The following INPP4B variants were observed in gnomAD, a reference collection of about 807,000 sequenced individuals.
The protein encoded by INPP4B is inositol polyphosphate 4-phosphatase type II.
In INPP4B, 55 loss-of-function variants were observed where a neutral mutation model predicts 122.5. The ratio of observed to expected loss-of-function variants is 0.45; its 90% CI spans 0.36 to 0.56. The LOEUF (loss-of-function observed/expected upper bound fraction) is 0.56. Among genes scored for constraint, INPP4B ranks in the 20% least tolerant of loss-of-function variants. The pLI is 0.00. For missense variants in INPP4B, 1,000 were observed against 1,097.7 expected, an observed-to-expected ratio of 0.91 and a Z score of 1.26; for synonymous variants, 403 against 388.7, an observed-to-expected ratio of 1.04 and a Z score of -0.43.
At chr4:142,492,914 A>G (rs527839608) in intron 2 of INPP4B, among the ~76,000 whole-genome samples, 1 of 152,320 alleles carries the variant, frequency 6.6e-6, no homozygotes, top group African/African-American at 2.4e-5. Flanking sequence ...AGCCTGTCCC[A>G]TCACAGCCCT....
At chr4:142,116,231 C>T (rs997654040) in intron 21 of INPP4B, among the ~76,000 whole-genome samples, 2 of 152,114 alleles carry the variant, frequency 1.3e-5, no homozygotes. Flanking sequence ...TAACACCTCA[C>T]TCTCAACGTT....
At chr4:142,218,796 C>T (rs1848307693) in intron 12 of INPP4B, among the ~76,000 whole-genome samples, 2 of 152,076 alleles carry the variant, frequency 1.3e-5, no homozygotes, top group African/African-American at 4.8e-5. Context: ...TTAAATCAAA[C>T]TTAAAAGAAG....
chr4:142,642,231 A>C, intron 2 of INPP4B, among the ~76,000 whole-genome samples: 1 of 151,982 alleles, frequency 6.6e-6, no homozygotes, highest in Non-Finnish European at 1.5e-5. Context: ...TGTTCACTCT[A>C]ATGGTAGTTT....
chr4:142,419,434 C>T (rs185987037), intron 5 of INPP4B, among the ~76,000 whole-genome samples: 1 of 152,186 alleles, frequency 6.6e-6, no homozygotes, highest in Admixed American at 6.5e-5. Context: ...TACCCGTATG[C>T]TCAAACGGAC....
At chr4:142,732,019 C>A (rs1420934711) in intron 1 of INPP4B, among the ~76,000 whole-genome samples, 1 of 152,082 alleles carries the variant, frequency 6.6e-6, no homozygotes, top group African/African-American at 2.4e-5. Context: ...TTATCCCCAT[C>A]ATCACAAGAC....
chr4:142,778,199 C>G (rs963900643), intron 1 of INPP4B, among the ~76,000 whole-genome samples: 2 of 152,146 alleles, frequency 1.3e-5, no homozygotes, highest in African/African-American at 4.8e-5. Context: ...ATGTGGAAGT[C>G]TCTGACCTAG....
chr4:142,454,081 T>A (rs535348248), intron 3 of INPP4B, among the ~76,000 whole-genome samples: 1 of 152,136 alleles, frequency 6.6e-6, no homozygotes, highest in Non-Finnish European at 1.5e-5. Flanking sequence ...ATGATTTATG[T>A]CACTGAACAC....
intron 2 of INPP4B, among the ~76,000 whole-genome samples, chr4:142,550,011 G>A (rs921770970): frequency 6.6e-6 from 1 of 152,178 alleles, no homozygotes; most frequent in Non-Finnish European, 1.5e-5. Context: ...GCCTGTTCTA[G>A]CAGGTTGGTG....
intron 3 of INPP4B, among the ~76,000 whole-genome samples, chr4:142,447,196 C>G (rs1449861210): frequency 1.3e-5 from 2 of 152,110 alleles, no homozygotes; most frequent in African/African-American, 4.8e-5. Flanking sequence ...TTGTATGGAT[C>G]TGGCAGGGCG....
intron 7 of INPP4B, among the ~76,000 whole-genome samples, chr4:142,331,790 C>T (rs1175526287): frequency 6.6e-6 from 1 of 151,838 alleles, no homozygotes; most frequent in Non-Finnish European, 1.5e-5. Context: ...GCAGCTAGTG[C>T]TGAATGCTTC....
chr4:142,038,197 A>G (rs368822492), intron 25 of INPP4B, among the ~76,000 whole-genome samples: 18 of 152,284 alleles, frequency 1.2e-4, no homozygotes, highest in African/African-American at 3.8e-4. Context: ...AAAAACTGCA[A>G]CTATTTAAAT....
At chr4:142,668,582 C>G (rs1021374671) in intron 2 of INPP4B, among the ~76,000 whole-genome samples, 43 of 152,074 alleles carry the variant, frequency 2.8e-4, no homozygotes, top group African/African-American at 1.0e-3. Flanking sequence ...GTGACTTGTT[C>G]TTACATATTG....
intron 10 of INPP4B, 39 bp from the exon 11 acceptor site, chr4:142,260,603 ACAATC>A: frequency 2.6e-5 from 33 of 1,251,616 alleles, no homozygotes; most frequent in Non-Finnish European, 3.4e-5. Flanking sequence ...AATTTTGAGA[ACAATC>A]AAAATAAGGA....
At chr4:142,252,585 G>C (rs560922073) in intron 11 of INPP4B, among the ~76,000 whole-genome samples, 1 of 152,170 alleles carries the variant, frequency 6.6e-6, no homozygotes, top group East Asian at 1.9e-4. Flanking sequence ...TATTTTAACA[G>C]TACTATATGT....
intron 1 of INPP4B, among the ~76,000 whole-genome samples, chr4:142,813,278 A>G (rs1447958956): frequency 6.6e-6 from 1 of 152,196 alleles, no homozygotes; most frequent in East Asian, 1.9e-4. Context: ...GGACATTCTT[A>G]TAACAACCTG....
At chr4:142,405,052 G>A (rs1802907952) in intron 6 of INPP4B, among the ~76,000 whole-genome samples, 154 bp downstream of exon 6, 1 of 135,672 alleles carries the variant, frequency 7.4e-6, no homozygotes, top group Non-Finnish European at 1.5e-5. Flanking sequence ...TGGTAATGCA[G>A]CATTGCTACA....
chr4:142,214,654 G>C (rs1256750014), intron 12 of INPP4B, among the ~76,000 whole-genome samples: 1 of 152,182 alleles, frequency 6.6e-6, no homozygotes, highest in Non-Finnish European at 1.5e-5. Context: ...CCTGGTTCCA[G>C]TGATTCTCCT....
At chr4:142,326,496 G>A (rs1206438821) in intron 7 of INPP4B, among the ~76,000 whole-genome samples, 3 of 152,138 alleles carry the variant, frequency 2.0e-5, no homozygotes, top group African/African-American at 7.2e-5. Flanking sequence ...TGAAACACAC[G>A]TAGAGCTCAA....
intron 1 of INPP4B, among the ~76,000 whole-genome samples, chr4:142,733,067 T>C (rs1263904848): frequency 1.3e-5 from 2 of 152,092 alleles, no homozygotes; most frequent in Non-Finnish European, 2.9e-5. Context: ...TGTAGAACAG[T>C]AGAGAAGGGG....
Sources: gnomAD v4.1 joint callset for allele counts (sites outside exome capture counted in the v4.1 genomes callset) on GRCh38, gnomAD v4.1.1 for gene constraint, MANE v1.5 for transcripts, NCBI Gene and HGNC (gene_info 2026-07-23, HGNC 2026-07-21) for gene names.